The following PYGM variants were observed in gnomAD, a reference collection of about 807,000 sequenced individuals.
PYGM encodes glycogen phosphorylase, muscle form.
PYGM carries 81 observed loss-of-function variants against 99.3 expected under a neutral mutation model. The ratio of observed to expected loss-of-function variants is 0.82; its 90% confidence interval spans 0.68 to 0.98. The LOEUF (loss-of-function observed/expected upper bound fraction) is 0.98, where lower values mean the gene tolerates loss of function less well. Ranked by LOEUF, PYGM falls within the 50% of genes least tolerant of loss-of-function variation. The pLI is 0.00. For missense variants in PYGM, 1,030 were observed against 1,158.1 expected, an observed-to-expected ratio of 0.89 and a Z score of 1.61; for synonymous variants, 436 against 451.5, an observed-to-expected ratio of 0.97 and a Z score of 0.44.
intron 14 of PYGM, 108 bp from the exon 15 acceptor site, chr11:64,751,763 C>G (rs1326178501): frequency 6.6e-7 from 1 of 1,524,748 alleles, no homozygotes; most frequent in Admixed American, 1.8e-5. Flanking sequence ...CAATCACTTG[C>G]TATGCTCTCT....
At position 64,755,278 on chromosome 11, in the gene PYGM, C is replaced by T; in HGVS notation, c.850G>A (p.Asp284Asn). The change falls in exon 7 of 20, where the codon GAT (aspartate) becomes AAT (asparagine). Residue 284 changes from aspartate (D) to asparagine (N), a missense_variant. By Grantham distance (23) the Asp-to-Asn change is conservative (BLOSUM62 1). Coordinates refer to ENST00000164139, the MANE Select transcript of PYGM (RefSeq NM_005609.4). The surrounding 1 kb of genome is among the most constrained non-coding windows in gnomAD (Gnocchi z 4.1). The stretch of plus-strand genomic sequence containing the variant: ...CAGCCCAGGGGGTGACGCACATTAT[C>T]ATTGGGGTACAGGACACGAGAGATG... ...ENISRVLYPN[D>N]NFFEGKELRL... The T allele has an allele frequency of 1.9e-6, 3 of 1,613,956 alleles. No homozygotes were observed. Among genetic ancestry groups the T allele is most frequent in the Non-Finnish European group, 2.5e-6 (3 of 1,179,860 alleles).
At chr11:64,753,718 A>G in intron 10 of PYGM, 36 bp from the exon 11 acceptor site, 2 of 1,584,920 alleles carry the variant, frequency 1.3e-6, no homozygotes, top group Non-Finnish European at 1.7e-6. Flanking sequence ...AACCAGACCC[A>G]GGAACCCCCA....
chr11:64,759,033 T>C (rs2058415430), intron 1 of PYGM, among the ~76,000 whole-genome samples: 1 of 634 alleles, frequency 1.6e-3, no homozygotes, highest in African/African-American at 1.9e-3. Flanking sequence ...AAAAGTCATT[T>C]GCTCAAGGTC....
chr11:64,759,718 G>C lies in PYGM; in HGVS notation c.181C>G (p.Arg61Gly), dbSNP rs1413461008. The stretch of plus-strand genomic sequence containing the variant: ...ATCCAGCGCCCCACGAGGTGGTCGC[G>C]CACGGTATGGGCCAGAGCAAAGTAG... Reference protein sequence around the residue: ...DYYFALAHTVRDHLVGRWIRT... With the variant: ...DYYFALAHTVGDHLVGRWIRT... Residue 61 changes from arginine to glycine, a missense_variant, in exon 1 of 20, where the codon CGC (arginine) becomes GGC (glycine). Coordinates refer to ENST00000164139, the MANE Select transcript of PYGM (RefSeq NM_005609.4). 6.8e-6 allele frequency: 11 copies of C among 1,614,012 alleles called. No individual in the cohort carries two copies. The highest frequency in any genetic ancestry group is 1.3e-5 in the African/African-American group (1 of 74,924).
At position 64,755,260 on chromosome 11, in the gene PYGM, G is replaced by C. The variant is rs1189238288; in HGVS notation, c.855+13C>G. 6.2e-7 allele frequency: 1 copy of C among 1,612,704 alleles called. No homozygotes were observed. The highest frequency in any genetic ancestry group is 2.2e-5 in the East Asian group (1 of 44,864). On this transcript the variant is annotated intron_variant, in intron 7 of 19. Transcript: ENST00000164139. The surrounding 1 kb of genome is among the most constrained non-coding windows in gnomAD (Gnocchi z 4.1). ...ACTCAGGCTTCCAGCCCCCAGCCCA[G>C]GGGGTGACGCACATTATCATTGGGG...
At chr11:64,751,298 C>T in intron 16 of PYGM, 27 bp downstream of exon 16, 3 of 1,613,762 alleles carry the variant, frequency 1.9e-6, no homozygotes, top group Non-Finnish European at 2.5e-6. Flanking sequence ...TCAGAGCCTC[C>T]CTAGGGTCCC....
At chr11:64,758,220 C>T (rs1413711439) in intron 4 of PYGM, 26 bp downstream of exon 4, 1 of 1,586,780 alleles carries the variant, frequency 6.3e-7, no homozygotes. Flanking sequence ...GACTAGACCC[C>T]ACAAGTTAGA....
chr11:64,750,038 C>T (rs1238686780), intron 17 of PYGM, among the ~76,000 whole-genome samples: 10 of 152,144 alleles, frequency 6.6e-5, no homozygotes, highest in Non-Finnish European at 1.2e-4. Context: ...GTGATCCGCC[C>T]GCCTTGGCCT....
At chr11:64,757,081 C>A (rs1194413525) in intron 5 of PYGM, among the ~76,000 whole-genome samples, 2 of 152,128 alleles carry the variant, frequency 1.3e-5, no homozygotes, top group Non-Finnish European at 2.9e-5. Flanking sequence ...CACACCATCA[C>A]GCCTGGCTAA....
In PYGM at chr11:64,754,601, T is replaced by C. The variant is rs2058381796; in HGVS notation, c.999+92A>G. 4.0e-6 allele frequency: 6 copies of C among 1,518,532 alleles called. No individual in the cohort carries two copies. Among genetic ancestry groups the C allele is most frequent in the Non-Finnish European group, 5.4e-6 (6 of 1,113,428 alleles). 94.1% of individuals were successfully genotyped at this position (1,518,532 alleles called of 1,614,324 possible). Reference sequence around the variant, plus strand: ...CCCACACTCCCAGTCTCCACTCCCTTATCTATTACATGGGGCAGGCAGGCC... The same window carrying C: ...CCCACACTCCCAGTCTCCACTCCCTCATCTATTACATGGGGCAGGCAGGCC... On this transcript the variant is annotated intron_variant, in intron 8 of 19. Coordinates refer to ENST00000164139, the MANE Select transcript of PYGM (RefSeq NM_005609.4). The surrounding 1 kb of genome is among the most constrained non-coding windows in gnomAD (Gnocchi z 5.5).
intron 17 of PYGM, among the ~76,000 whole-genome samples, chr11:64,749,937 C>T (rs1034415079): frequency 2.0e-5 from 3 of 151,840 alleles, no homozygotes; most frequent in Non-Finnish European, 2.9e-5. Flanking sequence ...GGACTACAGG[C>T]GCCTGCCAAC....
At chr11:64,747,632 C>G (rs564455495) in intron 17 of PYGM, 7 of 480,558 alleles carry the variant, frequency 1.5e-5, no homozygotes, top group Non-Finnish European at 2.7e-5. Flanking sequence ...TTCTCCCACA[C>G]GCCACTGCTG....
At chr11:64,751,546 A>G (rs371698658) in intron 15 of PYGM, 51 bp downstream of exon 15, 7 of 1,613,920 alleles carry the variant, frequency 4.3e-6, no homozygotes, top group African/African-American at 1.3e-5. Context: ...GCTGACCTCA[A>G]CCTGGATATA....
At position 64,755,454 on chromosome 11, in the gene PYGM, G is replaced by C; in HGVS notation, c.765C>G (p.Leu255=). 6.2e-7 allele frequency: 1 copy of C among 1,614,092 alleles called. No individual in the cohort carries two copies. The change falls in exon 6 of 20, where the codon CTC becomes CTG. Residue 255 remains leucine, a synonymous_variant. Transcript: ENST00000164139. This position sits in a 1 kb window ranked among gnomAD's most constrained non-coding sequence, Gnocchi z 4.1. ...ACCAGTGGATGAACTCACAGTCCTT[G>C]AGGTTGAAGTCATTGGGAGCCTTGG... ...WSAKAPNDFN[L]KDFNVGGYIQ...
At chr11:64,760,495 C>G (rs1331114072), upstream of PYGM, among the ~76,000 whole-genome samples, 2 of 152,214 alleles carry the variant, frequency 1.3e-5, no homozygotes, top group Admixed American at 1.3e-4. Flanking sequence ...CACTCCACCC[C>G]CACCGAAGCT....
chr11:64,760,524 CCT>C (rs994911320), upstream of PYGM, among the ~76,000 whole-genome samples: 1 of 152,230 alleles, frequency 6.6e-6, no homozygotes, highest in Non-Finnish European at 1.5e-5. Context: ...CTAGGCTCCC[CCT>C]GTTGCTGTCC....
rs2058384781 is a variant in PYGM, at chr11:64,754,951, G to A, written c.856-115C>T. Reference sequence around the variant, plus strand: ...ACCGGGACCCCTGAGCCCTGAGCCGGCCCCCTCTCTGGGACCCAGGGGCCT... The same window carrying A: ...ACCGGGACCCCTGAGCCCTGAGCCGACCCCCTCTCTGGGACCCAGGGGCCT... On this transcript the variant is annotated intron_variant, in intron 7 of 19. Coordinates refer to ENST00000164139, the MANE Select transcript of PYGM (RefSeq NM_005609.4). This position sits in a 1 kb window ranked among gnomAD's most constrained non-coding sequence, Gnocchi z 5.5. The A allele has an allele frequency of 2.1e-6, 3 of 1,438,268 alleles. No homozygotes were observed. The highest frequency in any genetic ancestry group is 2.0e-5 in the Admixed American group (1 of 49,462). The allele number at this position is 1,438,268 out of a possible 1,614,324, so 89.1% of individuals were successfully genotyped here.
rs187575918 is a variant in PYGM, at chr11:64,754,208, C to T, written c.1092+45G>A. On this transcript the variant is annotated intron_variant, in intron 9 of 19. Coordinates refer to ENST00000164139, the MANE Select transcript of PYGM (RefSeq NM_005609.4). The surrounding 1 kb of genome is among the most constrained non-coding windows in gnomAD (Gnocchi z 5.5). ...CGCTCCCAAACTGGGAAGGGAACCC[C>T]GAGGCAGAGAGCATCAGATGGGGCA... 468 of 1,590,028 alleles carry T rather than the reference C, an allele frequency of 2.9e-4. 4 individuals carry two copies. The African/African-American group carries it at 5.1e-3, about 17-fold the overall frequency.
Position 64,754,228 on chromosome 11 carries a change from G to A in PYGM, c.1092+25C>T. ...AACCCCGAGGCAGAGAGCATCAGAT[G>A]GGGCAGAGGGGCCCTGAAGCCCACC... is the stretch of plus-strand genomic sequence containing the variant. On this transcript the variant is annotated intron_variant, in intron 9 of 19. Transcript: ENST00000164139. The surrounding 1 kb of genome is among the most constrained non-coding windows in gnomAD (Gnocchi z 5.5). 6.3e-7 allele frequency: 1 copy of A among 1,596,176 alleles called. No homozygotes were observed. The highest frequency in any genetic ancestry group is 8.6e-7 in the Non-Finnish European group (1 of 1,164,052).
Sources: allele counts gnomAD v4.1 joint callset (sites outside exome capture counted in the v4.1 genomes callset), GRCh38; gene constraint gnomAD v4.1.1; non-coding constraint Gnocchi (gnomAD v3.1); transcripts MANE v1.5; gene names NCBI Gene and HGNC (gene_info 2026-07-23, HGNC 2026-07-21).